GDA: variants seen among roughly 807,000 people sequenced by gnomAD.
GDA encodes the protein cytoplasmic PSD-95 interactor.
GDA carries 18 observed loss-of-function variants against 59.6 expected under a neutral mutation model. The observed-to-expected ratio is 0.30, with a 90% CI of 0.21 to 0.45. The LOEUF (loss-of-function observed/expected upper bound fraction) is 0.45, where lower values mean the gene tolerates loss of function less well. Among genes scored for constraint, GDA ranks in the 20% least tolerant of loss-of-function variants. GDA has a pLI of 1.00. For synonymous variants in GDA, 201 were observed against 201.1 expected (o/e 1.00, Z 0.00); for missense variants, 427 against 552.3 (o/e 0.77, Z 2.27).
intron 6 of GDA, among the ~76,000 whole-genome samples, chr9:72,222,311 G>T (rs111922280): frequency 1.3e-5 from 2 of 152,146 alleles, no homozygotes; most frequent in African/African-American, 4.8e-5. Context: ...CTAATGATCA[G>T]TGATGTTGAG....
intron 1 of GDA, among the ~76,000 whole-genome samples, chr9:72,161,400 G>A (rs1295226893): frequency 6.6e-6 from 1 of 151,940 alleles, no homozygotes; most frequent in Non-Finnish European, 1.5e-5. Context: ...GGATAACCAG[G>A]TTATCTTCCA....
At chr9:72,256,637 A>G (rs1840889772), downstream of GDA, among the ~76,000 whole-genome samples, 1 of 152,214 alleles carries the variant, frequency 6.6e-6, no homozygotes, top group South Asian at 2.1e-4. Context: ...AGCTCATCAT[A>G]AAGACTTGAC....
chr9:72,115,112 C>T (rs1182792208), intron 1 of GDA, among the ~76,000 whole-genome samples: 2 of 152,124 alleles, frequency 1.3e-5, no homozygotes, highest in African/African-American at 4.8e-5. Context: ...TTTATGACCT[C>T]CCAGTGCTGG....
downstream of GDA, among the ~76,000 whole-genome samples, chr9:72,252,804 C>G (rs1359409898): frequency 6.6e-6 from 1 of 152,056 alleles, no homozygotes; most frequent in African/African-American, 2.4e-5. Flanking sequence ...AGATATGTTA[C>G]TTTAAGTGTC....
chr9:72,163,570 G>C lies in GDA; in HGVS notation c.123+13888G>C, dbSNP rs1343620848. Among the ~76,000 whole-genome samples the C allele has an allele frequency of 3.3e-5, 5 of 151,366 alleles. No homozygotes were observed. In the East Asian group the frequency reaches 9.8e-4, roughly 30 times the overall value. ...TGCAGTGGCACGATCTCGGCTCACT[G>C]CAAGCTCCACCTCCCGGGTTCACGC... On this transcript the variant is annotated intron_variant, in intron 1 of 13. Transcript: ENST00000358399.
At chr9:72,214,797 G>C in intron 5 of GDA, 1 of 281,264 alleles carries the variant, frequency 3.6e-6, no homozygotes, top group South Asian at 3.0e-5. Context: ...GCAATGGCGC[G>C]ATCTCAGCTC....
chr9:72,231,321 A>G (rs1838321974), intron 10 of GDA, 140 bp downstream of exon 10: 2 of 572,906 alleles, frequency 3.5e-6, no homozygotes, highest in South Asian at 1.9e-5. Context: ...TCACGTCTGT[A>G]ATCCCAGCAC....
intron 1 of GDA, among the ~76,000 whole-genome samples, chr9:72,195,218 G>C (rs1343348953): frequency 6.6e-6 from 1 of 151,934 alleles, no homozygotes; most frequent in Non-Finnish European, 1.5e-5. Context: ...TCTCCAATTA[G>C]CCATTTTTAA....
chr9:72,198,861 A>ATATATATATAT (rs1491123372), intron 2 of GDA, among the ~76,000 whole-genome samples: 5 of 147,886 alleles, frequency 3.4e-5, no homozygotes, highest in East Asian at 2.0e-4. Flanking sequence ...ATATATATAT[A>ATATATATATAT]AAATTTTTTT....
intron 10 of GDA, among the ~76,000 whole-genome samples, chr9:72,236,900 C>T (rs1839065490): frequency 6.6e-6 from 1 of 151,822 alleles, no homozygotes; most frequent in Non-Finnish European, 1.5e-5. Flanking sequence ...CTGCCTCAGC[C>T]TCCCGAGTAG....
chr9:72,165,911 A>C (rs1434421709), intron 1 of GDA, among the ~76,000 whole-genome samples: 4 of 145,998 alleles, frequency 2.7e-5, no homozygotes, highest in South Asian at 5.0e-4. Context: ...AAAAAAAAAA[A>C]CAACAAAAAA....
At chr9:72,172,341 G>T (rs901977007) in intron 1 of GDA, among the ~76,000 whole-genome samples, 10 of 152,050 alleles carry the variant, frequency 6.6e-5, no homozygotes, top group African/African-American at 2.4e-4. Context: ...CTCTATGCTT[G>T]TTACTTTTCA....
chr9:72,207,040 C>T (rs1834811566), intron 3 of GDA, among the ~76,000 whole-genome samples: 1 of 151,712 alleles, frequency 6.6e-6, no homozygotes, highest in African/African-American at 2.4e-5. Context: ...CAATGTGATT[C>T]TCATTTCTTT....
At chr9:72,241,541 T>C (rs932418316) in intron 11 of GDA, among the ~76,000 whole-genome samples, 1 of 152,186 alleles carries the variant, frequency 6.6e-6, no homozygotes, top group African/African-American at 2.4e-5. Flanking sequence ...TATTAATTGT[T>C]TTAATGGGTA....
chr9:72,223,654 A>G (rs533449464), intron 7 of GDA, among the ~76,000 whole-genome samples: 12 of 152,346 alleles, frequency 7.9e-5, no homozygotes, highest in Middle Eastern at 3.4e-3. Flanking sequence ...AAAAGAGCCT[A>G]ATTTCCACCT....
Position 72,136,703 on chromosome 9 carries a change from C to G in GDA, c.-100+21870C>G, listed in dbSNP as rs368144167. Among the ~76,000 whole-genome samples, 700 of 152,230 alleles carry G rather than the reference C, an allele frequency of 4.6e-3. 7 individuals carry two copies. The highest frequency in any genetic ancestry group is 0.016 in the African/African-American group (664 of 41,544). ...TAAAATATACATATGAGGCTGGGCA[C>G]GGTGGCTTATGCCTGTAATCCCAGG... On this transcript the variant is annotated intron_variant, in intron 1 of 13. Transcript: ENST00000545168.
upstream of GDA, among the ~76,000 whole-genome samples, chr9:72,147,293 C>T (rs373451262): frequency 1.3e-5 from 2 of 152,150 alleles, no homozygotes; most frequent in African/African-American, 4.8e-5. Flanking sequence ...CTGCAACCTC[C>T]GCCTCCGGGG....
intron 1 of GDA, among the ~76,000 whole-genome samples, chr9:72,137,242 C>T (rs796136634): frequency 5.7e-4 from 48 of 84,454 alleles, no homozygotes; most frequent in South Asian, 1.5e-3. Context: ...TTCTTTTTTT[C>T]TTTTTTTTTT....
chr9:72,133,057 G>A (rs1333544917), intron 1 of GDA, among the ~76,000 whole-genome samples: 3 of 151,822 alleles, frequency 2.0e-5, no homozygotes, highest in South Asian at 2.1e-4. Flanking sequence ...TTGGGAGGCC[G>A]AGGTGGGTGG....
Sources: gnomAD v4.1 joint callset for allele counts (sites outside exome capture counted in the v4.1 genomes callset) on GRCh38, gnomAD v4.1.1 for gene constraint, MANE v1.5 for transcripts, NCBI Gene and HGNC (gene_info 2026-07-23, HGNC 2026-07-21) for gene names.